Variants in PM20D1 observed in about 807,000 individuals in gnomAD.
The protein encoded by PM20D1 is N-fatty-acyl-amino acid synthase/hydrolase PM20D1.
PM20D1 carries 53 observed loss-of-function variants against 53.8 expected under a neutral mutation model. The ratio of observed to expected loss-of-function variants is 0.98; its 90% CI spans 0.79 to 1.24. The LOEUF is 1.24. PM20D1 is among the 50% of genes most tolerant of loss of function. The pLI is 0.00. For synonymous variants in PM20D1, 239 were observed against 241.3 expected (o/e 0.99, Z 0.09); for missense variants, 564 against 616.8 (o/e 0.91, Z 0.91).
chr1:205,833,864 T>C (rs540502971), intron 10 of PM20D1, among the ~76,000 whole-genome samples: 2 of 152,254 alleles, frequency 1.3e-5, no homozygotes, highest in South Asian at 2.1e-4. Context: ...TTTTTTTTTT[T>C]TGAGACAGAA....
rs766571265 is a variant in PM20D1, at chr1:205,842,713, C to G, written c.866G>C (p.Gly289Ala). The G allele has an allele frequency of 6.2e-7, 1 of 1,614,098 alleles. No individual in the cohort carries two copies. The highest frequency in any genetic ancestry group is 8.5e-7 in the Non-Finnish European group (1 of 1,180,038). The change falls in exon 7 of 13, where the codon GGG becomes GCG. Residue 289 changes from glycine to alanine, a missense_variant. By Grantham distance (60) the Gly-to-Ala change is moderately conservative. Coordinates refer to ENST00000367136, the MANE Select transcript of PM20D1 (RefSeq NM_152491.5). ...TTGCTGCAATACAGTCACCACTGTC[C>G]CGCTTCCAAATATGATAGGCATTGG... ...QTPMPIIFGS[G>A]TVVTVLQQLA...
Position 205,844,140 on chromosome 1 carries a change from C to A in PM20D1, c.654G>T (p.Glu218Asp), listed in dbSNP as rs372481740. Residue 218 changes from glutamate (E) to aspartate (D), a missense_variant, in exon 5 of 13, where the codon GAG becomes GAT. Physicochemically the swap from Glu to Asp is conservative, Grantham distance 45 (BLOSUM62 2). Coordinates refer to ENST00000367136, the MANE Select transcript of PM20D1 (RefSeq NM_152491.5). ...RGVQLAFIVD[E>D]GGFILDDFIP... ...TGAAATCATCCAAGATGAAGCCCCCCTCGTCCACAATGAAGGCTAGCTGGA... is the reference window on the plus strand; with the variant it reads ...TGAAATCATCCAAGATGAAGCCCCCATCGTCCACAATGAAGGCTAGCTGGA... 1 of 1,614,020 alleles carries A rather than the reference C, an allele frequency of 6.2e-7. No homozygotes were observed. The highest frequency in any genetic ancestry group is 1.3e-5 in the African/African-American group (1 of 75,054).
At chr1:205,835,615 G>GCA (rs1406860686) in intron 10 of PM20D1, among the ~76,000 whole-genome samples, 3 of 118,380 alleles carry the variant, frequency 2.5e-5, no homozygotes, top group African/African-American at 1.0e-4. Context: ...TCGTGCCACT[G>GCA]CACTCCAGCC....
At chr1:205,830,888 C>T (rs1464193878) in intron 11 of PM20D1, among the ~76,000 whole-genome samples, 1 of 152,010 alleles carries the variant, frequency 6.6e-6, no homozygotes, top group Non-Finnish European at 1.5e-5. Context: ...AGGCCATGGC[C>T]ATTTGCTATT....
Position 205,848,080 on chromosome 1 carries a change from G to A in PM20D1, c.170-109C>T, listed in dbSNP as rs1371353849. On this transcript the variant is annotated intron_variant, in intron 1 of 12. Coordinates refer to ENST00000367136, the MANE Select transcript of PM20D1 (RefSeq NM_152491.5). ...TTTGCCTTCATTATCATATTGCAGA[G>A]GGCAAAACACTAATGTGAGGTAGGC... 6 of 980,856 alleles carry A rather than the reference G, an allele frequency of 6.1e-6. No individual in the cohort carries two copies. In the East Asian group the frequency reaches 1.5e-4, roughly 24 times the overall value. 60.8% of individuals were successfully genotyped at this position (980,856 alleles called of 1,614,324 possible).
At position 205,835,818 on chromosome 1, in the gene PM20D1, A is replaced by G. The variant is rs1404952049; in HGVS notation, c.1117-3052T>C. On this transcript the variant is annotated intron_variant, in intron 10 of 12. Transcript: ENST00000367136. ...TGGAACTAGGAGGAGAGACTTGTCA[A>G]TGGTGAGAGACCTCAAAGGTGACTT... Among the ~76,000 whole-genome samples the G allele has an allele frequency of 2.6e-5, 4 of 152,310 alleles. No individual in the cohort carries two copies. The South Asian group carries it at 6.2e-4, about 24-fold the overall frequency.
At position 205,842,686 on chromosome 1, in the gene PM20D1, A is replaced by C; in HGVS notation, c.893T>G (p.Leu298Arg). 1 of 1,614,026 alleles carries C rather than the reference A, an allele frequency of 6.2e-7. No homozygotes were observed. Among genetic ancestry groups the C allele is most frequent in the Non-Finnish European group, 8.5e-7 (1 of 1,179,990 alleles). ...SGTVVTVLQQLANEFPFPVNI... is the reference protein window; with the variant it reads ...SGTVVTVLQQRANEFPFPVNI... ...TACTTCTTCCCATACCTCATTTGCCAGTTGCTGCAATACAGTCACCACTGT... is the reference window on the plus strand; with the variant it reads ...TACTTCTTCCCATACCTCATTTGCCCGTTGCTGCAATACAGTCACCACTGT... The change falls in exon 7 of 13, where the codon CTG (leucine) becomes CGG (arginine). Residue 298 changes from leucine (L) to arginine (R), a missense_variant. By Grantham distance (102) the Leu-to-Arg change is moderately radical (BLOSUM62 -2). Transcript: ENST00000367136.
chr1:205,828,803 G>A, intron 12 of PM20D1, 60 bp from the exon 13 acceptor site: 1 of 1,600,080 alleles, frequency 6.2e-7, no homozygotes, highest in South Asian at 1.1e-5. Context: ...CAGCACAAGT[G>A]TTATCACAGA....
intron 4 of PM20D1, 142 bp downstream of exon 4, chr1:205,844,669 T>C: frequency 1.4e-6 from 1 of 693,050 alleles, no homozygotes; most frequent in Non-Finnish European, 2.4e-6. Context: ...TAGATAGTCC[T>C]GGCATACAGA....
At chr1:205,837,451 T>C (rs1367561220) in intron 10 of PM20D1, among the ~76,000 whole-genome samples, 3 of 152,218 alleles carry the variant, frequency 2.0e-5, no homozygotes, top group Non-Finnish European at 4.4e-5. Flanking sequence ...CTGAAGGTTC[T>C]GTTCCTCACA....
chr1:205,848,941 A>G (rs1657065506), intron 1 of PM20D1, among the ~76,000 whole-genome samples: 1 of 152,196 alleles, frequency 6.6e-6, no homozygotes, highest in Non-Finnish European at 1.5e-5. Flanking sequence ...TGAGGTCCCT[A>G]TTCTAGCTTA....
chr1:205,836,512 C>T (rs1159161218), intron 10 of PM20D1, among the ~76,000 whole-genome samples: 2 of 152,050 alleles, frequency 1.3e-5, no homozygotes, highest in South Asian at 2.1e-4. Flanking sequence ...AATATCTAAT[C>T]CCTCTCCTTT....
chr1:205,841,281 A>G (rs1042105220), intron 9 of PM20D1, among the ~76,000 whole-genome samples: 2 of 152,148 alleles, frequency 1.3e-5, no homozygotes, highest in African/African-American at 2.4e-5. Flanking sequence ...GTATGGTGCA[A>G]AAAAGCACTA....
In PM20D1 at chr1:205,844,872, A is replaced by G; in HGVS notation, c.515T>C (p.Leu172Pro). The change falls in exon 4 of 13, where the codon CTG (leucine) becomes CCG (proline). Residue 172 changes from leucine (L) to proline (P), a missense_variant. Physicochemically the swap from Leu to Pro is moderately conservative, Grantham distance 98 (BLOSUM62 -3). Coordinates refer to ENST00000367136, the MANE Select transcript of PM20D1 (RefSeq NM_152491.5). ...TCGGGGGATGTACTTCCTGATCAGC[A>G]GGAGCTCCAAGGCCTGCAGTAATGC... ...VMALLQALEL[L>P]LIRKYIPRRS... 6.2e-7 allele frequency: 1 copy of G among 1,613,940 alleles called. No homozygotes were observed. Among genetic ancestry groups the G allele is most frequent in the South Asian group, 1.1e-5 (1 of 91,072 alleles).
Position 205,849,695 on chromosome 1 carries a change from A to G in PM20D1, c.169+209T>C, listed in dbSNP as rs191010159. On this transcript the variant is annotated intron_variant, in intron 1 of 12. Transcript: ENST00000367136. ...TTCCAGGTTAGGCAGGGCACACCAG[A>G]GTTCCAGGAGCCAGGTATGGGGGAA... Among the ~76,000 whole-genome samples the G allele has an allele frequency of 6.9e-4, 105 of 152,228 alleles. 2 individuals are homozygous for G. The East Asian group carries it at 0.015, about 22-fold the overall frequency.
rs751958717 is a variant in PM20D1, at chr1:205,830,370, A to G, written c.1295T>C (p.Ile432Thr). ...AAAGAATCGGCTGTCTGTGTTGCCA[A>G]TAGAAGTAACTAGAGAGGGAAGATC... ...EVNITAPVTS[I>T]GNTDSRFFTN... The change falls in exon 12 of 13, where the codon ATT becomes ACT. Residue 432 changes from isoleucine (I) to threonine (T), a missense_variant. Transcript: ENST00000367136. 3.1e-6 allele frequency: 5 copies of G among 1,607,092 alleles called. No individual in the cohort carries two copies. The highest frequency in any genetic ancestry group is 4.3e-6 in the Non-Finnish European group (5 of 1,173,700).
intron 10 of PM20D1, among the ~76,000 whole-genome samples, chr1:205,836,339 C>T (rs72750996): frequency 0.052 from 7,849 of 152,282 alleles, 272 homozygotes; most frequent in Non-Finnish European, 0.084. Context: ...CAGCTTCTGT[C>T]CTGCTGTAAG....
rs780400817 is a variant in PM20D1 at position 205,841,871 on chromosome 1, G to A, written c.984C>T (p.Pro328=). The A allele has an allele frequency of 2.6e-5, 41 of 1,564,280 alleles. No homozygotes were observed. The highest frequency in any genetic ancestry group is 3.4e-5 in the Non-Finnish European group (39 of 1,152,150). ...TGGTCCTGATTATTGCATTGGTTAA[G>A]GGATTTCTCTCCATAAACCTAAAAC... ...PLISRFMERN[P]LTNAIIRTTT... is the part of the protein sequence containing the mutation. The change falls in exon 9 of 13, where the codon CCC becomes CCT. Residue 328 remains proline, a synonymous_variant. Coordinates refer to ENST00000367136, the MANE Select transcript of PM20D1 (RefSeq NM_152491.5).
At chr1:205,843,533 G>T in intron 6 of PM20D1, 134 bp downstream of exon 6, 1 of 1,283,740 alleles carries the variant, frequency 7.8e-7, no homozygotes, top group Non-Finnish European at 1.1e-6. Context: ...TCTTCCTCTA[G>T]TGTCAATTTT....
Sources: allele counts gnomAD v4.1 joint callset (sites outside exome capture counted in the v4.1 genomes callset), GRCh38; gene constraint gnomAD v4.1.1; transcripts MANE v1.5; gene names NCBI Gene and HGNC (gene_info 2026-07-23, HGNC 2026-07-21).